Variants in MOSMO observed in about 807,000 individuals in gnomAD.
MOSMO encodes the protein modulator of smoothened.
Under a neutral mutation model 18.4 loss-of-function variants are expected in MOSMO, and 5 were observed. That is an observed-to-expected ratio of 0.27 (90% confidence interval 0.14 to 0.57). The LOEUF (loss-of-function observed/expected upper bound fraction) is 0.57, where lower values mean the gene tolerates loss of function less well. Among genes scored for constraint, MOSMO ranks in the 20% least tolerant of loss-of-function variants. The pLI, the probability that MOSMO is intolerant of heterozygous loss-of-function variation, is 0.92. For synonymous variants in MOSMO, 82 were observed against 82.3 expected (o/e 1.00, Z 0.02); for missense variants, 138 against 211.8 (o/e 0.65, Z 2.16).
At chr16:22,066,878 C>A (rs1398730935) in intron 1 of MOSMO, among the ~76,000 whole-genome samples, 1 of 152,126 alleles carries the variant, frequency 6.6e-6, no homozygotes, top group Non-Finnish European at 1.5e-5. Context: ...GTGGCCTATA[C>A]ACAGGAAAAA....
chr16:22,010,706 G>T lies in MOSMO; in HGVS notation c.106+2299G>T, dbSNP rs534296776. On this transcript the variant is annotated intron_variant, in intron 1 of 2. Coordinates refer to ENST00000542527, the MANE Select transcript of MOSMO (RefSeq NM_001164579.2). ...GGCCAAGGCGGACGGATCACCTGAG[G>T]ACAGGAGTTTGAGACCATCCTGGCC... is the stretch of plus-strand genomic sequence containing the variant. Among the ~76,000 whole-genome samples the T allele has an allele frequency of 3.3e-5, 5 of 152,090 alleles. No homozygotes were observed. In the South Asian group the frequency reaches 1.0e-3, roughly 32 times the overall value.
chr16:22,018,039 CT>C (rs905863840), intron 1 of MOSMO, among the ~76,000 whole-genome samples: 4 of 148,206 alleles, frequency 2.7e-5, no homozygotes, highest in Admixed American at 6.7e-5. Flanking sequence ...TGAATCACTG[CT>C]TTTTTTTTTA....
chr16:22,040,463 T>G (rs1362138776), intron 1 of MOSMO, among the ~76,000 whole-genome samples: 1 of 152,152 alleles, frequency 6.6e-6, no homozygotes, highest in Non-Finnish European at 1.5e-5. Flanking sequence ...GAGGGCATAA[T>G]AAGAAGCAGG....
At chr16:22,043,254 G>A (rs937342008) in intron 1 of MOSMO, among the ~76,000 whole-genome samples, 1 of 152,176 alleles carries the variant, frequency 6.6e-6, no homozygotes, top group Non-Finnish European at 1.5e-5. Flanking sequence ...GGACAGATAA[G>A]CATTATGAAT....
rs1295989453 is a variant in MOSMO, at chr16:22,082,922, T to TGTCTA, written c.*2046_*2050dup. Reference sequence around the variant, plus strand: ...GACTGTTTCTCCCCAAGTATGATGATGTCTAGTCAAGTCTAAGAATACCAC... The same window carrying TGTCTA: ...GACTGTTTCTCCCCAAGTATGATGATGTCTAGTCTAGTCAAGTCTAAGAATACCAC... On this transcript the variant is annotated 3_prime_UTR_variant, in exon 3 of 3. Transcript: ENST00000542527. 4 of 152,168 alleles carry TGTCTA rather than the reference T, an allele frequency of 2.6e-5. No homozygotes were observed. Among genetic ancestry groups the TGTCTA allele is most frequent in the Non-Finnish European group, 5.9e-5 (4 of 68,020 alleles). 9.4% of individuals were successfully genotyped at this position (152,168 alleles called of 1,614,324 possible).
At chr16:22,043,973 G>A (rs1429791879) in intron 1 of MOSMO, among the ~76,000 whole-genome samples, 1 of 152,104 alleles carries the variant, frequency 6.6e-6, no homozygotes, top group Non-Finnish European at 1.5e-5. Context: ...TGAAAGGCCT[G>A]TCTTACATGG....
intron 1 of MOSMO, among the ~76,000 whole-genome samples, chr16:22,067,897 A>T (rs2141769486): frequency 6.6e-6 from 1 of 152,228 alleles, no homozygotes; most frequent in Non-Finnish European, 1.5e-5. Context: ...AAGAAAAAAA[A>T]AAAAAATCAC....
At chr16:22,060,459 G>C (rs1339270341) in intron 1 of MOSMO, among the ~76,000 whole-genome samples, 2 of 152,166 alleles carry the variant, frequency 1.3e-5, no homozygotes, top group Non-Finnish European at 2.9e-5. Flanking sequence ...CACAGTAAGA[G>C]ACCTCTACAT....
In MOSMO at chr16:22,030,585, G is replaced by A. The variant is rs369051865; in HGVS notation, c.106+22178G>A. 1.4e-3 allele frequency among the ~76,000 whole-genome samples: 214 copies of A among 152,304 alleles called. 9 individuals carry two copies. In the South Asian group the frequency reaches 0.043, roughly 31 times the overall value. On this transcript the variant is annotated intron_variant, in intron 1 of 2. Transcript: ENST00000542527. The stretch of plus-strand genomic sequence containing the variant: ...AGAGTCTCACCCTGTTGCCCAGGCT[G>A]GATTGAAGTGGCGCAATCTCGGCTC...
chr16:22,067,141 A>G (rs1309575188), intron 1 of MOSMO, among the ~76,000 whole-genome samples: 1 of 152,216 alleles, frequency 6.6e-6, no homozygotes, highest in Non-Finnish European at 1.5e-5. Context: ...AAGAATCATC[A>G]AACTTAAAGA....
At chr16:22,014,195 C>T (rs1467853741) in intron 1 of MOSMO, among the ~76,000 whole-genome samples, 1 of 152,078 alleles carries the variant, frequency 6.6e-6, no homozygotes, top group Admixed American at 6.6e-5. Flanking sequence ...TTCTCCTAAA[C>T]TACCAGTCAG....
chr16:22,031,020 G>T (rs1899983337), intron 1 of MOSMO, among the ~76,000 whole-genome samples: 1 of 152,190 alleles, frequency 6.6e-6, no homozygotes, highest in Admixed American at 6.6e-5. Context: ...AGTAAGAAGA[G>T]TGCTAAAATA....
downstream of MOSMO, among the ~76,000 whole-genome samples, chr16:22,091,360 C>T (rs1394802447): frequency 2.0e-5 from 3 of 152,108 alleles, no homozygotes; most frequent in African/African-American, 7.2e-5. Context: ...GTGTTCCCTA[C>T]CATATGATGA....
At chr16:22,045,548 A>G (rs1394647279) in intron 1 of MOSMO, among the ~76,000 whole-genome samples, 1 of 152,222 alleles carries the variant, frequency 6.6e-6, no homozygotes, top group African/African-American at 2.4e-5. Flanking sequence ...CTACGCTAAA[A>G]GGGTGGCAGT....
intron 1 of MOSMO, among the ~76,000 whole-genome samples, chr16:22,064,954 T>C (rs1177302859): frequency 6.6e-6 from 1 of 152,254 alleles, no homozygotes; most frequent in African/African-American, 2.4e-5. Flanking sequence ...TAATGAATTC[T>C]TCATGCACTA....
chr16:22,050,070 A>G (rs1381208647), intron 1 of MOSMO, among the ~76,000 whole-genome samples: 1 of 152,224 alleles, frequency 6.6e-6, no homozygotes, highest in East Asian at 1.9e-4. Context: ...GGAAATTAAA[A>G]GGAAAACCCT....
At chr16:22,032,558 G>A (rs1467954809) in intron 1 of MOSMO, among the ~76,000 whole-genome samples, 2 of 151,786 alleles carry the variant, frequency 1.3e-5, no homozygotes, top group African/African-American at 2.4e-5. Context: ...CTTTTCTTTT[G>A]TTTTTGAGAC....
At chr16:22,061,171 A>C (rs1354371356) in intron 1 of MOSMO, among the ~76,000 whole-genome samples, 2 of 152,162 alleles carry the variant, frequency 1.3e-5, no homozygotes, top group Non-Finnish European at 2.9e-5. Context: ...GAGTCTGGGA[A>C]CTTTTTATGG....
intron 1 of MOSMO, among the ~76,000 whole-genome samples, chr16:22,018,903 A>T (rs932570727): frequency 4.6e-5 from 7 of 152,212 alleles, no homozygotes; most frequent in Non-Finnish European, 8.8e-5. Flanking sequence ...TTTCTATTCC[A>T]GTCCATTTCT....
Sources: gnomAD v4.1 joint callset for allele counts (sites outside exome capture counted in the v4.1 genomes callset) on GRCh38, gnomAD v4.1.1 for gene constraint, MANE v1.5 for transcripts, NCBI Gene and HGNC (gene_info 2026-07-23, HGNC 2026-07-21) for gene names.